The following MAGI2 variants were observed in gnomAD, a reference collection of about 807,000 sequenced individuals.
MAGI2 encodes membrane-associated guanylate kinase, WW and PDZ domain-containing protein 2.
Under a neutral mutation model 133.3 loss-of-function variants are expected in MAGI2, and 35 were observed. The observed-to-expected ratio is 0.26, with a 90% confidence interval of 0.20 to 0.35. MAGI2 has a LOEUF of 0.35. Among genes scored for constraint, MAGI2 ranks in the 10% least tolerant of loss-of-function variants. The probability of loss-of-function intolerance (pLI) is 1.00; values close to 1 mark genes in which losing one functional copy is unlikely to be tolerated. For synonymous variants in MAGI2, 729 were observed against 710.6 expected (o/e 1.03, Z -0.41); for missense variants, 1,636 against 1,863.4 (o/e 0.88, Z 2.25).
intron 9 of MAGI2, among the ~76,000 whole-genome samples, chr7:78,256,863 A>G (rs1043998919): frequency 2.0e-5 from 3 of 152,276 alleles, no homozygotes; most frequent in African/African-American, 7.2e-5. Context: ...GGTTAGAGGA[A>G]TGTGTACCTT....
chr7:78,525,053 A>G (rs1309438908), intron 3 of MAGI2, among the ~76,000 whole-genome samples: 4 of 152,182 alleles, frequency 2.6e-5, no homozygotes, highest in African/African-American at 4.8e-5. Flanking sequence ...AATAAATACT[A>G]AATAACAGAT....
intron 2 of MAGI2, among the ~76,000 whole-genome samples, chr7:78,930,950 C>G (rs906054197): frequency 6.6e-6 from 1 of 151,996 alleles, no homozygotes; most frequent in African/African-American, 2.4e-5. Context: ...TAAAAAATGC[C>G]ACTGCGAAAC....
chr7:78,973,938 G>C (rs1804011091), intron 2 of MAGI2, among the ~76,000 whole-genome samples: 1 of 151,682 alleles, frequency 6.6e-6, no homozygotes, highest in Non-Finnish European at 1.5e-5. Flanking sequence ...CGTTTGGCTT[G>C]TGGGAATCAC....
intron 1 of MAGI2, among the ~76,000 whole-genome samples, chr7:79,265,681 A>T (rs1417477981): frequency 1.3e-5 from 2 of 152,088 alleles, no homozygotes; most frequent in Admixed American, 1.3e-4. Flanking sequence ...GTAAGTTTTG[A>T]GTTAGATTTT....
intron 9 of MAGI2, among the ~76,000 whole-genome samples, chr7:78,305,705 G>T (rs1188953565): frequency 6.6e-6 from 1 of 152,052 alleles, no homozygotes; most frequent in Non-Finnish European, 1.5e-5. Flanking sequence ...ATTCTCCAAG[G>T]AACTGTATAC....
intron 1 of MAGI2, among the ~76,000 whole-genome samples, chr7:79,409,609 T>C (rs530947150): frequency 1.1e-4 from 16 of 152,280 alleles, no homozygotes; most frequent in African/African-American, 3.6e-4. Flanking sequence ...AAGTAGATTA[T>C]TTCAGTATAA....
chr7:79,319,510 T>G (rs549002507), intron 1 of MAGI2, among the ~76,000 whole-genome samples: 32 of 152,136 alleles, frequency 2.1e-4, no homozygotes, highest in Non-Finnish European at 2.4e-4. Context: ...TATGTGTCTA[T>G]GGGAAATTCT....
At chr7:78,107,565 G>A (rs1267717103) in intron 20 of MAGI2, among the ~76,000 whole-genome samples, 1 of 151,892 alleles carries the variant, frequency 6.6e-6, no homozygotes, top group Non-Finnish European at 1.5e-5. Flanking sequence ...CAGTTCTTTG[G>A]TTAAGTTTAT....
rs187160104 is a variant in MAGI2 at position 78,255,639 on chromosome 7, G to C, written c.2047+304C>G. The C allele has an allele frequency of 7.2e-6, 4 of 558,730 alleles. No homozygotes were observed. The Admixed American group carries it at 1.5e-4, about 20-fold the overall frequency. The allele number at this position is 558,730 out of a possible 1,614,324, so 34.6% of individuals were successfully genotyped here. On this transcript the variant is annotated intron_variant, in intron 10 of 21. Transcript: ENST00000354212. ...AGTTCTCCATGACCGATACATGAAT[G>C]AATTTTTGAAACAAAATACATTCAT... is the stretch of plus-strand genomic sequence containing the variant.
intron 1 of MAGI2, among the ~76,000 whole-genome samples, chr7:79,333,320 G>A (rs1840218430): frequency 1.3e-5 from 2 of 151,974 alleles, no homozygotes; most frequent in African/African-American, 4.8e-5. Context: ...TACAGACAGG[G>A]TTTCACCATG....
At chr7:79,344,958 G>C (rs1841199415) in intron 1 of MAGI2, among the ~76,000 whole-genome samples, 1 of 151,908 alleles carries the variant, frequency 6.6e-6, no homozygotes, top group South Asian at 2.1e-4. Flanking sequence ...AATTTCTCTG[G>C]GTAACTATGA....
chr7:78,780,331 A>G (rs1009000600), intron 2 of MAGI2, among the ~76,000 whole-genome samples: 2 of 152,146 alleles, frequency 1.3e-5, no homozygotes, highest in South Asian at 4.1e-4. Flanking sequence ...ACCCCACTCT[A>G]TGTGTAGATT....
chr7:78,861,766 G>C (rs1420557365), intron 2 of MAGI2, among the ~76,000 whole-genome samples: 1 of 152,224 alleles, frequency 6.6e-6, no homozygotes, highest in African/African-American at 2.4e-5. Context: ...TCACATAAAT[G>C]ATTGGAATTA....
chr7:78,807,676 C>A (rs897188466), intron 2 of MAGI2, among the ~76,000 whole-genome samples: 3 of 152,150 alleles, frequency 2.0e-5, no homozygotes, highest in Non-Finnish European at 4.4e-5. Flanking sequence ...ACTGAGGGTA[C>A]TCCTGGAGCC....
intron 3 of MAGI2, among the ~76,000 whole-genome samples, chr7:78,622,622 A>G (rs1807869438): frequency 6.6e-6 from 1 of 151,986 alleles, no homozygotes; most frequent in Non-Finnish European, 1.5e-5. Context: ...CAAAACTCCC[A>G]AAAAACACAT....
chr7:78,530,982 T>C (rs748184895), intron 3 of MAGI2, among the ~76,000 whole-genome samples: 8 of 152,176 alleles, frequency 5.3e-5, no homozygotes, highest in Non-Finnish European at 1.0e-4. Flanking sequence ...CCTTTGGTGC[T>C]CCTCAAATCA....
chr7:78,897,666 A>G (rs953006068), intron 2 of MAGI2, among the ~76,000 whole-genome samples: 9 of 152,218 alleles, frequency 5.9e-5, no homozygotes, highest in African/African-American at 1.9e-4. Flanking sequence ...AGTTCTGTGA[A>G]GAATGCCACT....
intron 3 of MAGI2, among the ~76,000 whole-genome samples, chr7:78,571,125 G>C (rs1380971193): frequency 1.3e-5 from 2 of 152,134 alleles, no homozygotes; most frequent in Non-Finnish European, 2.9e-5. Flanking sequence ...AAATAAACTT[G>C]TTTCCCTGGT....
chr7:78,747,894 G>A (rs1381578303), intron 2 of MAGI2, among the ~76,000 whole-genome samples: 1 of 152,294 alleles, frequency 6.6e-6, no homozygotes, highest in Non-Finnish European at 1.5e-5. Context: ...TACGTGAAGA[G>A]TTTGGAAACT....
Sources: allele counts gnomAD v4.1 joint callset (sites outside exome capture counted in the v4.1 genomes callset), GRCh38; gene constraint gnomAD v4.1.1; transcripts MANE v1.5; gene names NCBI Gene and HGNC (gene_info 2026-07-23, HGNC 2026-07-21).